The following DRGX variants were observed in gnomAD, a reference collection of about 807,000 sequenced individuals.
DRGX encodes the protein dorsal root ganglia homeobox, also known as dorsal root ganglia homeobox protein.
In DRGX, 21 loss-of-function variants were observed where a neutral mutation model predicts 28.6. The observed-to-expected ratio is 0.73, with a 90% CI of 0.52 to 1.06. The LOEUF (loss-of-function observed/expected upper bound fraction) is 1.06. Among genes scored for constraint, DRGX ranks in the 50% least tolerant of loss-of-function variants. The pLI is 0.00. For synonymous variants in DRGX, 136 were observed against 139.1 expected, an observed-to-expected ratio of 0.98 and a Z score of 0.16; for missense variants, 354 against 343.9, an observed-to-expected ratio of 1.03 and a Z score of -0.23.
chr10:49,376,504 G>C (rs773989205), intron 6 of DRGX, among the ~76,000 whole-genome samples: 1 of 152,148 alleles, frequency 6.6e-6, no homozygotes, highest in South Asian at 2.1e-4. Flanking sequence ...GAGAGTAAAT[G>C]CTTGCAGGAA....
At chr10:49,383,653 G>A (rs1849801146) in intron 6 of DRGX, among the ~76,000 whole-genome samples, 1 of 152,216 alleles carries the variant, frequency 6.6e-6, no homozygotes, top group South Asian at 2.1e-4. Flanking sequence ...TTCAGAGGCA[G>A]GGCCTTTGGT....
Position 49,366,193 on chromosome 10 carries a change from T to A in DRGX, c.715A>T (p.Lys239Ter). 9.3e-6 allele frequency: 15 copies of A among 1,613,386 alleles called. No individual in the cohort carries two copies. Among genetic ancestry groups the A allele is most frequent in the Non-Finnish European group, 1.3e-5 (15 of 1,179,592 alleles). ...TGGCTGCCATCTGGGGGCGCCGGCT[T>A]GGCGACAGGGCCGGGGCTGCTGCTG... is the stretch of plus-strand genomic sequence containing the variant. The part of the protein sequence containing the change: ...STSSSPGPVA[K>*]PAPPDGSQEK... Residue 239 changes from lysine (K) to a stop codon, truncating the protein, a stop_gained, in exon 7 of 7, where the codon AAG becomes TAG. Coordinates refer to ENST00000374139, the MANE Select transcript of DRGX (RefSeq NM_001276451.2). LOFTEE classifies it high-confidence loss of function.
chr10:49,373,141 A>C (rs984981787), intron 6 of DRGX, among the ~76,000 whole-genome samples: 17 of 152,224 alleles, frequency 1.1e-4, no homozygotes, highest in African/African-American at 3.9e-4. Context: ...AAATTAAATT[A>C]GCTACTAAGG....
Position 49,386,704 on chromosome 10 carries a change from T to C in DRGX, c.389A>G (p.Lys130Arg). Residue 130 changes from lysine to arginine, a missense_variant, in exon 5 of 7, where the codon AAG becomes AGG. Lys to Arg is a conservative substitution (Grantham distance 26). Coordinates refer to ENST00000374139, the MANE Select transcript of DRGX (RefSeq NM_001276451.2). ...CCTCTGCTGGGCCTCCAGCGCCTCC[T>C]TCTTACTCCGGGCTTGGTCCCCAGG... ...PPPGDQARSK[K>R]EALEAQQSLG... 6.3e-7 allele frequency: 1 copy of C among 1,587,538 alleles called. No individual in the cohort carries two copies. Among genetic ancestry groups the C allele is most frequent in the East Asian group, 2.2e-5 (1 of 44,600 alleles).
In DRGX at chr10:49,366,006, G is replaced by C. The variant is rs1849593926; in HGVS notation, c.*110C>G. 1 of 1,352,818 alleles carries C rather than the reference G, an allele frequency of 7.4e-7. No individual in the cohort carries two copies. The highest frequency in any genetic ancestry group is 2.9e-5 in the Admixed American group (1 of 34,172). 83.8% of individuals were successfully genotyped at this position (1,352,818 alleles called of 1,614,324 possible). The stretch of plus-strand genomic sequence containing the variant: ...CTTGCCCGTCCTGGGTCCATGCAGA[G>C]GCCCTGGGGCCGCAGGCTTCTCCTT... On this transcript the variant is annotated 3_prime_UTR_variant, in exon 7 of 7. Transcript: ENST00000374139.
rs750680023 is a variant in DRGX, at chr10:49,366,161, C to A, written c.747G>T (p.Lys249Asn). ...CGCTCTGTTCCTTGGTGGGAGAGGT[C>A]TTTTCCTGGCTGCCATCTGGGGGCG... is the stretch of plus-strand genomic sequence containing the variant. ...KPAPPDGSQE[K>N]TSPTKEQSEA... The change falls in exon 7 of 7, where the codon AAG becomes AAT. Residue 249 changes from lysine (K) to asparagine (N), a missense_variant. Physicochemically the swap from Lys to Asn is moderately conservative, Grantham distance 94. Transcript: ENST00000374139. 2 of 1,611,380 alleles carry A rather than the reference C, an allele frequency of 1.2e-6. No homozygotes were observed. Among genetic ancestry groups the A allele is most frequent in the Middle Eastern group, 1.7e-4 (1 of 6,038 alleles).
intron 4 of DRGX, among the ~76,000 whole-genome samples, chr10:49,388,042 C>A (rs541101263): frequency 1.7e-4 from 26 of 152,322 alleles, no homozygotes; most frequent in African/African-American, 5.8e-4. Context: ...TCAGTAAACA[C>A]GTACTCATGT....
chr10:49,368,079 C>T (rs969723285), intron 6 of DRGX, among the ~76,000 whole-genome samples: 1 of 152,206 alleles, frequency 6.6e-6, no homozygotes, highest in Non-Finnish European at 1.5e-5. Flanking sequence ...TCCTCCTCTT[C>T]CTTGCCAAGC....
chr10:49,393,383 A>G (rs1849931114), intron 2 of DRGX, among the ~76,000 whole-genome samples: 1 of 152,236 alleles, frequency 6.6e-6, no homozygotes, highest in Non-Finnish European at 1.5e-5. Flanking sequence ...GGAATCACAA[A>G]AAAAATAGCA....
chr10:49,376,213 T>A (rs1849715184), intron 6 of DRGX, among the ~76,000 whole-genome samples: 1 of 152,178 alleles, frequency 6.6e-6, no homozygotes, highest in South Asian at 2.1e-4. Context: ...CGTGGTAACA[T>A]GCTCAACAAA....
intron 4 of DRGX, among the ~76,000 whole-genome samples, chr10:49,389,633 G>C (rs1849878966): frequency 6.6e-6 from 1 of 152,166 alleles, no homozygotes; most frequent in African/African-American, 2.4e-5. Context: ...GCTGTTTAAA[G>C]ATTTTTAAAT....
chr10:49,370,230 T>C (rs372125570), intron 6 of DRGX, among the ~76,000 whole-genome samples: 1 of 151,872 alleles, frequency 6.6e-6, no homozygotes, highest in Non-Finnish European at 1.5e-5. Context: ...TATGGTGAAA[T>C]CCCGTCTCTA....
intron 6 of DRGX, among the ~76,000 whole-genome samples, chr10:49,376,782 AC>A (rs1187438231): frequency 6.6e-6 from 1 of 151,808 alleles, no homozygotes; most frequent in African/African-American, 2.4e-5. Context: ...TGCCTGGGGG[AC>A]CCTCACTCAC....
At chr10:49,374,359 T>A (rs1849695496) in intron 6 of DRGX, among the ~76,000 whole-genome samples, 1 of 152,144 alleles carries the variant, frequency 6.6e-6, no homozygotes. Context: ...CCAGCAACCT[T>A]CTATTCATCT....
At chr10:49,367,233 T>C (rs1287233235) in intron 6 of DRGX, among the ~76,000 whole-genome samples, 3 of 152,090 alleles carry the variant, frequency 2.0e-5, no homozygotes, top group African/African-American at 4.8e-5. Context: ...CATCATGGTA[T>C]GTGCCGATAG....
chr10:49,371,335 C>T (rs1849657232), intron 6 of DRGX, among the ~76,000 whole-genome samples: 1 of 152,166 alleles, frequency 6.6e-6, no homozygotes, highest in South Asian at 2.1e-4. Context: ...ACCCAAAGCT[C>T]ATGCACTTTG....
Position 49,390,126 on chromosome 10 carries a change from G to A in DRGX, c.234+7C>T, listed in dbSNP as rs1443616512. The stretch of plus-strand genomic sequence containing the variant: ...TAGAGAGTTAAATAATTAAAAAGAA[G>A]GTTTACCTGCACTCTGGCTTCTGTG... On this transcript the variant is annotated splice_region_variant and intron_variant, in intron 4 of 6. Coordinates refer to ENST00000374139, the MANE Select transcript of DRGX (RefSeq NM_001276451.2). 1.2e-6 allele frequency: 2 copies of A among 1,601,214 alleles called. No individual in the cohort carries two copies. The highest frequency in any genetic ancestry group is 1.3e-5 in the African/African-American group (1 of 74,460).
intron 6 of DRGX, among the ~76,000 whole-genome samples, chr10:49,385,416 C>A (rs1849821454): frequency 6.6e-6 from 1 of 152,132 alleles, no homozygotes; most frequent in South Asian, 2.1e-4. Flanking sequence ...TCTGGGCACT[C>A]TCCCATGGGC....
chr10:49,376,759 T>A (rs1358828273), intron 6 of DRGX, among the ~76,000 whole-genome samples: 1 of 152,152 alleles, frequency 6.6e-6, no homozygotes, highest in Non-Finnish European at 1.5e-5. Flanking sequence ...TTCCCGGTGT[T>A]CATGTTTCTC....
Sources: allele counts gnomAD v4.1 joint callset (sites outside exome capture counted in the v4.1 genomes callset), GRCh38; gene constraint gnomAD v4.1.1; transcripts MANE v1.5; gene names NCBI Gene and HGNC (gene_info 2026-07-23, HGNC 2026-07-21).